Variants in NUMB observed in about 807,000 individuals in gnomAD.
NUMB encodes the protein NUMB endocytic adaptor protein.
A neutral mutation model predicts 59.7 loss-of-function variants in NUMB; 29 were observed. The observed-to-expected ratio is 0.49, with a 90% CI of 0.36 to 0.66. NUMB has a LOEUF of 0.66. NUMB is among the 30% of genes least tolerant of loss of function. The probability of loss-of-function intolerance (pLI) is 0.00; values close to 1 mark genes in which losing one functional copy is unlikely to be tolerated. For missense variants in NUMB, 723 were observed against 822.0 expected (o/e 0.88, Z 1.47); for synonymous variants, 288 against 288.2 (o/e 1.00, Z 0.01).
chr14:73,358,566 G>C (rs776287844), intron 3 of NUMB, among the ~76,000 whole-genome samples: 3 of 148,600 alleles, frequency 2.0e-5, no homozygotes, highest in Non-Finnish European at 4.4e-5. Flanking sequence ...TCTTTAAAGA[G>C]TCAGCTCAGG....
chr14:73,441,553 A>T (rs143305559), intron 1 of NUMB, among the ~76,000 whole-genome samples: 61 of 151,976 alleles, frequency 4.0e-4, no homozygotes, highest in South Asian at 6.2e-4. Flanking sequence ...AAAAAATTCT[A>T]CTTTATACTC....
At chr14:73,339,247 T>C (rs1892507054) in intron 4 of NUMB, among the ~76,000 whole-genome samples, 1 of 152,194 alleles carries the variant, frequency 6.6e-6, no homozygotes, top group Non-Finnish European at 1.5e-5. Flanking sequence ...AGCATGTTTG[T>C]AGTGAAAATG....
intron 1 of NUMB, among the ~76,000 whole-genome samples, chr14:73,448,033 G>A (rs1427721111): frequency 6.6e-6 from 1 of 152,128 alleles, no homozygotes; most frequent in African/African-American, 2.4e-5. Context: ...CTGAGCTCAA[G>A]TGATTCGCCT....
At chr14:73,324,592 G>A (rs1241654948) in intron 4 of NUMB, among the ~76,000 whole-genome samples, 11 of 151,852 alleles carry the variant, frequency 7.2e-5, no homozygotes, top group Admixed American at 5.3e-4. Flanking sequence ...CTTAACCCTA[G>A]AGACAATGGA....
At chr14:73,347,741 C>T (rs190472202) in intron 4 of NUMB, among the ~76,000 whole-genome samples, 53 of 152,316 alleles carry the variant, frequency 3.5e-4, no homozygotes, top group African/African-American at 1.2e-3. Context: ...TGGCAATTCA[C>T]TCTCACTCTC....
chr14:73,429,989 T>C (rs1423431257), intron 1 of NUMB, among the ~76,000 whole-genome samples: 1 of 151,978 alleles, frequency 6.6e-6, no homozygotes, highest in Non-Finnish European at 1.5e-5. Context: ...GCAATTACTT[T>C]TGCATCAACC....
intron 2 of NUMB, among the ~76,000 whole-genome samples, chr14:73,380,326 G>A (rs1024450503): frequency 6.6e-6 from 1 of 152,138 alleles, no homozygotes; most frequent in Non-Finnish European, 1.5e-5. Flanking sequence ...CTGAGCAATC[G>A]GAAGAATGGA....
chr14:73,283,461 GC>G (rs1888770113), intron 10 of NUMB, among the ~76,000 whole-genome samples: 1 of 152,180 alleles, frequency 6.6e-6, no homozygotes, highest in Non-Finnish European at 1.5e-5. Context: ...TAATACTTTA[GC>G]TACAGATTTT....
At chr14:73,396,540 T>TG (rs10675476) in intron 2 of NUMB, among the ~76,000 whole-genome samples, 155 of 148,488 alleles carry the variant, frequency 1.0e-3, no homozygotes, top group Admixed American at 4.0e-3. Context: ...TTTTTGTTGT[T>TG]TTTTTGTTTT....
At chr14:73,453,508 T>C (rs1171673978) in intron 1 of NUMB, among the ~76,000 whole-genome samples, 2 of 152,206 alleles carry the variant, frequency 1.3e-5, no homozygotes, top group African/African-American at 4.8e-5. Flanking sequence ...TATTTATCAC[T>C]ACCTGTGTGT....
At chr14:73,384,651 T>C (rs562228748) in intron 2 of NUMB, among the ~76,000 whole-genome samples, 1 of 152,314 alleles carries the variant, frequency 6.6e-6, no homozygotes, top group South Asian at 2.1e-4. Flanking sequence ...AACTGCAACC[T>C]CTGCCTCCGA....
chr14:73,327,268 A>T (rs1243516904), intron 4 of NUMB, among the ~76,000 whole-genome samples: 1 of 151,712 alleles, frequency 6.6e-6, no homozygotes, highest in East Asian at 1.9e-4. Flanking sequence ...AATTATTATT[A>T]TTTTTTTGAG....
chr14:73,389,151 C>T (rs2140094633), intron 2 of NUMB, among the ~76,000 whole-genome samples: 1 of 145,186 alleles, frequency 6.9e-6, no homozygotes, highest in East Asian at 2.1e-4. Context: ...CGCACCTGTA[C>T]TCCCAGCTAC....
chr14:73,371,219 G>A (rs1447543065), intron 2 of NUMB, among the ~76,000 whole-genome samples: 1 of 152,228 alleles, frequency 6.6e-6, no homozygotes, highest in South Asian at 2.1e-4. Flanking sequence ...ATATAGCTAA[G>A]CAAATCAGTA....
At chr14:73,357,800 C>T (rs1238137011) in intron 3 of NUMB, among the ~76,000 whole-genome samples, 2 of 149,934 alleles carry the variant, frequency 1.3e-5, no homozygotes, top group African/African-American at 4.9e-5. Flanking sequence ...ACATAAAAAA[C>T]AAAAACAGAC....
chr14:73,427,710 A>G (rs1215624225), intron 1 of NUMB, among the ~76,000 whole-genome samples: 1 of 152,036 alleles, frequency 6.6e-6, no homozygotes, highest in Non-Finnish European at 1.5e-5. Context: ...TAACATTCCA[A>G]TCTCCATTTC....
At position 73,278,855 on chromosome 14, in the gene NUMB, GT is replaced by G. The variant is rs1888395099; in HGVS notation, c.1240+425del. On this transcript the variant is annotated intron_variant, in intron 12 of 12. Transcript: ENST00000555238. ...CGATTCTCCTGCCTCGGCCTCCTGA[GT>G]AGCTGGGACTATATGCGCATGCCAC... 2.0e-5 allele frequency among the ~76,000 whole-genome samples: 3 copies of G among 150,798 alleles called. No individual in the cohort carries two copies. The South Asian group carries it at 6.3e-4, about 32-fold the overall frequency.
intron 4 of NUMB, among the ~76,000 whole-genome samples, chr14:73,324,139 G>A (rs560610398): frequency 1.3e-5 from 2 of 152,188 alleles, no homozygotes; most frequent in Admixed American, 6.5e-5. Flanking sequence ...AGAGACTAAC[G>A]GTCAACACCC....
chr14:73,329,919 G>C (rs1039076635), intron 4 of NUMB, among the ~76,000 whole-genome samples: 7 of 152,248 alleles, frequency 4.6e-5, no homozygotes, highest in Admixed American at 6.5e-5. Context: ...TGATTTCTTT[G>C]GTGGCCTTCA....
Sources: gnomAD v4.1 joint callset for allele counts (sites outside exome capture counted in the v4.1 genomes callset) on GRCh38, gnomAD v4.1.1 for gene constraint, MANE v1.5 for transcripts, NCBI Gene and HGNC (gene_info 2026-07-23, HGNC 2026-07-21) for gene names.